The following LMBR1 variants were observed in gnomAD, a reference collection of about 807,000 sequenced individuals.
LMBR1 encodes the protein limb region 1 protein homolog.
A neutral mutation model predicts 73.9 loss-of-function variants in LMBR1; 52 were observed. That is an observed-to-expected ratio of 0.70 (90% confidence interval 0.56 to 0.89). The LOEUF is 0.89. LMBR1 is among the 40% of genes least tolerant of loss of function. The pLI is 0.00. For synonymous variants in LMBR1, 215 were observed against 209.4 expected (o/e 1.03, Z -0.23); for missense variants, 539 against 579.8 (o/e 0.93, Z 0.72).
chr7:156,869,541 C>T (rs548271092), intron 1 of LMBR1, among the ~76,000 whole-genome samples: 10 of 151,974 alleles, frequency 6.6e-5, no homozygotes, highest in Non-Finnish European at 1.3e-4. Context: ...ATAATCAAAG[C>T]CTACAAATAC....
intron 1 of LMBR1, among the ~76,000 whole-genome samples, chr7:156,855,719 T>C (rs73167914): frequency 0.1 from 14,770 of 147,200 alleles, 842 homozygotes; most frequent in African/African-American, 0.13. Flanking sequence ...TGCTGCAAGC[T>C]GCAGAAAATC....
At chr7:156,820,692 C>T (rs1834632503) in intron 4 of LMBR1, among the ~76,000 whole-genome samples, 1 of 152,198 alleles carries the variant, frequency 6.6e-6, no homozygotes, top group Non-Finnish European at 1.5e-5. Context: ...TCTAGCAGGC[C>T]TCTCTGGACT....
intron 1 of LMBR1, among the ~76,000 whole-genome samples, chr7:156,888,303 G>A (rs375747402): frequency 2.0e-3 from 309 of 151,858 alleles, no homozygotes; most frequent in African/African-American, 6.9e-3. Flanking sequence ...CCAGCTACTC[G>A]GGAGGCTGAG....
At chr7:156,724,254 A>C (rs1382325264) in intron 14 of LMBR1, 76 bp from the exon 15 acceptor site, 10 of 1,130,000 alleles carry the variant, frequency 8.8e-6, no homozygotes, top group Non-Finnish European at 1.3e-5. Flanking sequence ...CATTCTGAGA[A>C]ATGATTGTGC....
At chr7:156,888,400 ACT>A (rs1365670291) in intron 1 of LMBR1, among the ~76,000 whole-genome samples, 47 of 138,772 alleles carry the variant, frequency 3.4e-4, no homozygotes, top group Non-Finnish European at 6.4e-4. Flanking sequence ...ACACAGCGAG[ACT>A]CTGTCTCAAA....
At chr7:156,781,788 T>C (rs1395366179) in intron 5 of LMBR1, among the ~76,000 whole-genome samples, 1 of 152,184 alleles carries the variant, frequency 6.6e-6, no homozygotes, top group Non-Finnish European at 1.5e-5. Context: ...AACACTGCCA[T>C]GTTTATCATC....
intron 8 of LMBR1, 75 bp downstream of exon 8, chr7:156,762,059 G>C (rs1026360987): frequency 1.2e-6 from 1 of 811,082 alleles, no homozygotes; most frequent in African/African-American, 1.7e-5. Flanking sequence ...CTAAATGCTA[G>C]CTCACAATAT....
At chr7:156,892,699 G>T (rs1427263832) in intron 1 of LMBR1, 2 of 154,580 alleles carry the variant, frequency 1.3e-5, no homozygotes, top group South Asian at 1.1e-4. Flanking sequence ...AGAGCGGAGC[G>T]GGGGGGCAGG....
chr7:156,806,081 T>C (rs763956431), intron 4 of LMBR1, among the ~76,000 whole-genome samples: 14 of 152,120 alleles, frequency 9.2e-5, no homozygotes, highest in Non-Finnish European at 1.9e-4. Flanking sequence ...GTCTATGGTA[T>C]TGTTATAGCA....
intron 15 of LMBR1, among the ~76,000 whole-genome samples, chr7:156,697,515 A>G (rs760111254): frequency 1.3e-5 from 2 of 152,196 alleles, no homozygotes; most frequent in Non-Finnish European, 2.9e-5. Flanking sequence ...AGTCATTCCC[A>G]GAGCGGCCGT....
In LMBR1 at chr7:156,763,768, A is replaced by C. The variant is rs751104463; in HGVS notation, c.451T>G (p.Leu151Val). ...KGIRARILET[L>V]VMLLLLALLI... ...AACGCAAGAAGAAGAAGCATGACCA[A>C]AGTCTCTAAAATGCGGGCTCGGATT... The change falls in exon 6 of 17, where the codon TTG becomes GTG. Residue 151 changes from leucine (L) to valine (V), a missense_variant. This residue lies in a region of LMBR1 where 454 missense variants were observed against 473.4 expected (regional missense o/e 0.96). Transcript: ENST00000353442. 4.4e-6 allele frequency: 7 copies of C among 1,600,858 alleles called. No individual in the cohort carries two copies. In the East Asian group the frequency reaches 1.6e-4, roughly 37 times the overall value.
rs530292638 is a variant in LMBR1, at chr7:156,685,398, C to T, written c.1388-1235G>A. Among the ~76,000 whole-genome samples, 3 of 152,294 alleles carry T rather than the reference C, an allele frequency of 2.0e-5. No individual in the cohort carries two copies. Among genetic ancestry groups the T allele is most frequent in the South Asian group, 2.1e-4 (1 of 4,824 alleles). The stretch of plus-strand genomic sequence containing the variant: ...GCATTCTGAGAAATGCGCTGTCGAG[C>T]GATTCTGTCGCTGTGATGCCATCAT... On this transcript the variant is annotated intron_variant, in intron 16 of 16. Coordinates refer to ENST00000353442, the MANE Select transcript of LMBR1 (RefSeq NM_022458.4). This position sits in a 1 kb window ranked among gnomAD's most constrained non-coding sequence, Gnocchi z 4.1.
chr7:156,859,642 G>A (rs1195800849), intron 1 of LMBR1, among the ~76,000 whole-genome samples: 1 of 151,806 alleles, frequency 6.6e-6, no homozygotes, highest in East Asian at 1.9e-4. Flanking sequence ...ACAAAACTCT[G>A]ATTTTAAAAA....
rs187720432 is a variant in LMBR1, at chr7:156,860,094, G to A, written c.67-23209C>T. Among the ~76,000 whole-genome samples the A allele has an allele frequency of 4.2e-3, 639 of 152,282 alleles. 6 individuals carry two copies. The highest frequency in any genetic ancestry group is 0.015 in the African/African-American group (617 of 41,572). On this transcript the variant is annotated intron_variant, in intron 1 of 16. Transcript: ENST00000353442. ...ATCCACGTACAACAAAATGAATCAA[G>A]ACATAGACCCTATGGCGTTCCCAAA...
intron 15 of LMBR1, among the ~76,000 whole-genome samples, chr7:156,715,864 G>A (rs1813099621): frequency 6.6e-6 from 1 of 152,094 alleles, no homozygotes; most frequent in Non-Finnish European, 1.5e-5. Context: ...CTTGGCTACT[G>A]TTGTAATGGT....
intron 4 of LMBR1, among the ~76,000 whole-genome samples, chr7:156,812,872 A>T (rs1029117729): frequency 1.3e-5 from 2 of 152,092 alleles, no homozygotes; most frequent in African/African-American, 2.4e-5. Context: ...AACCCAGAAC[A>T]CTGCTCAGCT....
chr7:156,851,028 A>G (rs1361798013), intron 1 of LMBR1, among the ~76,000 whole-genome samples: 1 of 151,974 alleles, frequency 6.6e-6, no homozygotes, highest in Non-Finnish European at 1.5e-5. Context: ...CCCTCTCGCC[A>G]TATGACACCC....
intron 9 of LMBR1, among the ~76,000 whole-genome samples, chr7:156,745,803 C>T (rs1025651641): frequency 2.0e-5 from 3 of 152,176 alleles, no homozygotes; most frequent in East Asian, 1.9e-4. Flanking sequence ...AGACAGCAAT[C>T]GAATACCCTC....
chr7:156,697,417 G>A (rs1005919802), intron 15 of LMBR1, among the ~76,000 whole-genome samples: 7 of 152,134 alleles, frequency 4.6e-5, no homozygotes, highest in African/African-American at 1.7e-4. Flanking sequence ...AAATTTACCA[G>A]GGCGGAGTTT....
Sources: gnomAD v4.1 joint callset for allele counts (sites outside exome capture counted in the v4.1 genomes callset) on GRCh38, gnomAD v4.1.1 for gene constraint, gnomAD v4.1.1 regional missense constraint, Gnocchi (gnomAD v3.1) non-coding constraint, MANE v1.5 for transcripts, NCBI Gene and HGNC (gene_info 2026-07-23, HGNC 2026-07-21) for gene names.